TRAPPC9: variants seen among roughly 807,000 people sequenced by gnomAD.
The protein encoded by TRAPPC9 is IKK2 binding protein.
TRAPPC9 carries 83 observed loss-of-function variants against 124.0 expected under a neutral mutation model. The ratio of observed to expected loss-of-function variants is 0.67; its 90% CI spans 0.56 to 0.80. The LOEUF (loss-of-function observed/expected upper bound fraction) is 0.80, where lower values mean the gene tolerates loss of function less well. Ranked by LOEUF, TRAPPC9 falls within the 30% of genes least tolerant of loss-of-function variation. TRAPPC9 has a pLI of 0.00. For synonymous variants in TRAPPC9, 638 were observed against 617.5 expected (o/e 1.03, Z -0.49); for missense variants, 1,302 against 1,508.3 (o/e 0.86, Z 2.27).
rs368642308 is a variant in TRAPPC9 at position 140,168,292 on chromosome 8, G to A, written c.2556+53167C>T. On this transcript the variant is annotated intron_variant, in intron 17 of 22. Coordinates refer to ENST00000438773, the MANE Select transcript of TRAPPC9 (RefSeq NM_001160372.4). Reference sequence around the variant, plus strand: ...ATAATGTAAGATTAACCATTCTCCAGTGACGAATGGTTCGGCAGCCTTCAG... The same window carrying A: ...ATAATGTAAGATTAACCATTCTCCAATGACGAATGGTTCGGCAGCCTTCAG... Among the ~76,000 whole-genome samples, 9 of 152,296 alleles carry A rather than the reference G, an allele frequency of 5.9e-5. No homozygotes were observed. In the East Asian group the frequency reaches 1.7e-3, roughly 29 times the overall value.
chr8:139,918,509 TGAGCAAACC>T (rs1832294312), intron 19 of TRAPPC9, among the ~76,000 whole-genome samples: 1 of 152,188 alleles, frequency 6.6e-6, no homozygotes, highest in Non-Finnish European at 1.5e-5. Context: ...CACCAGAGCG[TGAGCAAACC>T]GGCCAGAGCG....
chr8:140,315,533 G>A (rs1347071097), intron 9 of TRAPPC9, among the ~76,000 whole-genome samples: 2 of 151,876 alleles, frequency 1.3e-5, no homozygotes, highest in East Asian at 1.9e-4. Flanking sequence ...ATTTTATTAG[G>A]AAATATTGTT....
chr8:140,447,294 T>C (rs1328394031), intron 2 of TRAPPC9, among the ~76,000 whole-genome samples: 1 of 152,140 alleles, frequency 6.6e-6, no homozygotes, highest in Non-Finnish European at 1.5e-5. Flanking sequence ...TTAAAAAACA[T>C]ATTTTAAAAA....
intron 21 of TRAPPC9, among the ~76,000 whole-genome samples, chr8:139,812,317 A>G (rs989193189): frequency 2.6e-5 from 4 of 152,254 alleles, no homozygotes; most frequent in African/African-American, 9.6e-5. Flanking sequence ...AAAAATGAAC[A>G]GAAGAACTCT....
chr8:139,794,091 C>A (rs562844852), intron 21 of TRAPPC9, among the ~76,000 whole-genome samples: 1 of 152,260 alleles, frequency 6.6e-6, no homozygotes, highest in Admixed American at 6.5e-5. Flanking sequence ...TGTCCCCCAC[C>A]CTGCTCTGCT....
At chr8:140,395,088 C>T (rs1000282946) in intron 7 of TRAPPC9, among the ~76,000 whole-genome samples, 1 of 152,240 alleles carries the variant, frequency 6.6e-6, no homozygotes, top group Non-Finnish European at 1.5e-5. Context: ...CAGGTTCCCG[C>T]TTCTGACCAT....
At chr8:140,439,253 A>G in intron 2 of TRAPPC9, 56 bp from the exon 3 acceptor site, 1 of 1,588,860 alleles carries the variant, frequency 6.3e-7, no homozygotes, top group Non-Finnish European at 8.6e-7. Flanking sequence ...CCCAGAAAGC[A>G]CTCTGACTAA....
intron 7 of TRAPPC9, among the ~76,000 whole-genome samples, chr8:140,391,029 C>T (rs1324765632): frequency 6.6e-6 from 1 of 152,160 alleles, no homozygotes; most frequent in Non-Finnish European, 1.5e-5. Context: ...TTTGAGGTTG[C>T]AATTATTATG....
chr8:140,020,457 C>G (rs1839770382), intron 18 of TRAPPC9, among the ~76,000 whole-genome samples: 1 of 152,142 alleles, frequency 6.6e-6, no homozygotes, highest in South Asian at 2.1e-4. Flanking sequence ...GAGACCCCAT[C>G]TCTACCAAAA....
chr8:139,962,830 GC>G lies in TRAPPC9; in HGVS notation c.2810+25895del, dbSNP rs1234964669. ...GAGAGAGGGAGGCAGTTGGGTTGGA[GC>G]CACAGAAGGAGGCAAACTTATGCAG... On this transcript the variant is annotated intron_variant, in intron 19 of 22. Transcript: ENST00000438773. Among the ~76,000 whole-genome samples the G allele has an allele frequency of 3.6e-3, 238 of 65,580 alleles. 27 individuals carry two copies. The highest frequency in any genetic ancestry group is 7.6e-3 in the African/African-American group (226 of 29,716). The allele number at this position is 65,580 out of a possible 152,430, so 43.0% of individuals were successfully genotyped here.
chr8:140,401,927 C>CTT (rs769830190), intron 6 of TRAPPC9, among the ~76,000 whole-genome samples: 4,580 of 139,726 alleles, frequency 0.033, 239 homozygotes, highest in African/African-American at 0.11. Flanking sequence ...CACTCAACCT[C>CTT]TTTTTTTTTT....
chr8:139,730,717 AG>A lies in TRAPPC9; in HGVS notation c.*343del. The A allele has an allele frequency of 2.9e-6, 1 of 344,314 alleles. No homozygotes were observed. Among genetic ancestry groups the A allele is most frequent in the South Asian group, 3.5e-5 (1 of 28,892 alleles). 21.3% of individuals were successfully genotyped at this position (344,314 alleles called of 1,614,324 possible). ...CGAGGGAGGTCCCTCTGCTGGGATG[AG>A]CAGCACAGCACGGCTGGGGCCCCAG... On this transcript the variant is annotated 3_prime_UTR_variant, in exon 23 of 23. Coordinates refer to ENST00000438773, the MANE Select transcript of TRAPPC9 (RefSeq NM_001160372.4).
intron 9 of TRAPPC9, among the ~76,000 whole-genome samples, chr8:140,324,240 C>T (rs535942696): frequency 6.6e-6 from 1 of 152,080 alleles, no homozygotes; most frequent in South Asian, 2.1e-4. Context: ...AAGTAATAAG[C>T]ATAATAAACC....
intron 19 of TRAPPC9, among the ~76,000 whole-genome samples, chr8:139,970,447 A>G (rs1835988990): frequency 6.6e-6 from 1 of 152,172 alleles, no homozygotes; most frequent in South Asian, 2.1e-4. Context: ...GGGAGGGTAC[A>G]AGGGAAGGCA....
chr8:140,321,692 G>A (rs1459140458), intron 9 of TRAPPC9, among the ~76,000 whole-genome samples: 1 of 152,166 alleles, frequency 6.6e-6, no homozygotes, highest in African/African-American at 2.4e-5. Context: ...GCATGTAGGT[G>A]GGTGCAACAG....
intron 21 of TRAPPC9, among the ~76,000 whole-genome samples, chr8:139,784,034 A>G (rs1822009790): frequency 6.6e-6 from 1 of 152,226 alleles, no homozygotes; most frequent in Non-Finnish European, 1.5e-5. Flanking sequence ...AAATCCACAG[A>G]CATCATACTT....
intron 17 of TRAPPC9, among the ~76,000 whole-genome samples, chr8:140,184,560 C>G (rs1032546192): frequency 6.6e-6 from 1 of 152,114 alleles, no homozygotes; most frequent in East Asian, 1.9e-4. Context: ...CTCAGCCTCC[C>G]GAACAGCTGG....
At chr8:140,269,307 T>C (rs58377270) in intron 15 of TRAPPC9, among the ~76,000 whole-genome samples, 37,317 of 151,358 alleles carry the variant, frequency 0.25, 4,987 homozygotes, top group African/African-American at 0.35. Flanking sequence ...TTTGGGAGAC[T>C]GAGGCGGGCA....
intron 7 of TRAPPC9, among the ~76,000 whole-genome samples, chr8:140,371,937 A>C (rs756006268): frequency 1.1e-4 from 17 of 152,170 alleles, no homozygotes; most frequent in Admixed American, 5.9e-4. Flanking sequence ...TCCTGACCTC[A>C]GGTGATCTGC....
Sources: gnomAD v4.1 joint callset for allele counts (sites outside exome capture counted in the v4.1 genomes callset) on GRCh38, gnomAD v4.1.1 for gene constraint, MANE v1.5 for transcripts, NCBI Gene and HGNC (gene_info 2026-07-23, HGNC 2026-07-21) for gene names.